The following ZMYND11 variants were observed in gnomAD, a reference collection of about 807,000 sequenced individuals.
ZMYND11 encodes the protein zinc finger MYND domain-containing protein 11.
ZMYND11 carries 9 observed loss-of-function variants against 84.9 expected under a neutral mutation model. The ratio of observed to expected loss-of-function variants is 0.11; its 90% confidence interval spans 0.06 to 0.18. The LOEUF (loss-of-function observed/expected upper bound fraction) is 0.18, where lower values mean the gene tolerates loss of function less well. Ranked by LOEUF, ZMYND11 falls within the 10% of genes least tolerant of loss-of-function variation. ZMYND11 has a pLI of 1.00. For synonymous variants in ZMYND11, 250 were observed against 244.1 expected (o/e 1.02, Z -0.23); for missense variants, 409 against 761.0 (o/e 0.54, Z 5.44).
intron 4 of ZMYND11, among the ~76,000 whole-genome samples, chr10:223,467 A>G (rs1419154635): frequency 6.6e-6 from 1 of 152,114 alleles, no homozygotes; most frequent in East Asian, 1.9e-4. Context: ...GCCTTTGTCA[A>G]TCTAGACATT....
chr10:231,138 TACA>T (rs918428613), intron 4 of ZMYND11, among the ~76,000 whole-genome samples: 1 of 152,254 alleles, frequency 6.6e-6, no homozygotes, highest in African/African-American at 2.4e-5. Flanking sequence ...GCTTTGTCAT[TACA>T]ACAGCAGAAT....
At chr10:140,104 C>T (rs1434343163) in intron 1 of ZMYND11, among the ~76,000 whole-genome samples, 1 of 152,154 alleles carries the variant, frequency 6.6e-6, no homozygotes, top group Admixed American at 6.5e-5. Flanking sequence ...ATCCCAGACA[C>T]ACACACACAC....
chr10:202,549 T>G (rs2131132665), intron 2 of ZMYND11, among the ~76,000 whole-genome samples: 1 of 152,082 alleles, frequency 6.6e-6, no homozygotes, highest in East Asian at 1.9e-4. Context: ...AAAACAAAGT[T>G]ATTGACTCCT....
At chr10:182,276 A>G (rs527358023) in intron 2 of ZMYND11, among the ~76,000 whole-genome samples, 12 of 152,358 alleles carry the variant, frequency 7.9e-5, no homozygotes, top group African/African-American at 2.9e-4. Flanking sequence ...ATGTATACAC[A>G]TGTTAAACTG....
intron 4 of ZMYND11, among the ~76,000 whole-genome samples, chr10:229,147 G>A (rs1314236543): frequency 2.6e-5 from 4 of 152,180 alleles, no homozygotes; most frequent in Non-Finnish European, 4.4e-5. Context: ...CTTTAGAGAA[G>A]AAAGAGTTGG....
intron 13 of ZMYND11, 74 bp downstream of exon 13, chr10:248,682 G>A (rs1440407795): frequency 2.0e-6 from 3 of 1,502,606 alleles, no homozygotes; most frequent in African/African-American, 2.8e-5. Context: ...TTTCACTCAT[G>A]CATCAACCCA....
chr10:211,063 A>G (rs1945130779), intron 3 of ZMYND11, among the ~76,000 whole-genome samples: 1 of 152,052 alleles, frequency 6.6e-6, no homozygotes, highest in African/African-American at 2.4e-5. Flanking sequence ...GTGGTGGCAC[A>G]TGCCTGTAGT....
Position 229,308 on chromosome 10 carries a change from A to G in ZMYND11, c.439-7530A>G, listed in dbSNP as rs1044127717. Among the ~76,000 whole-genome samples the G allele has an allele frequency of 3.3e-5, 5 of 152,160 alleles. No individual in the cohort carries two copies. The East Asian group carries it at 9.6e-4, about 29-fold the overall frequency. ...TGTGACTGGAGTCTCATTTGCCAGG[A>G]TGTTCTAAGAATCCACCTTGAGACG... On this transcript the variant is annotated intron_variant, in intron 4 of 14. Transcript: ENST00000381604.
At chr10:173,280 C>G (rs781838831) in intron 1 of ZMYND11, among the ~76,000 whole-genome samples, 2 of 151,998 alleles carry the variant, frequency 1.3e-5, no homozygotes, top group African/African-American at 2.4e-5. Context: ...TTTGTTCTGT[C>G]AAAGATAATG....
chr10:240,268 G>A (rs1014451111), intron 8 of ZMYND11, among the ~76,000 whole-genome samples, 157 bp downstream of exon 8: 2 of 152,198 alleles, frequency 1.3e-5, no homozygotes, highest in Non-Finnish European at 2.9e-5. Flanking sequence ...CACTTTGGGA[G>A]GCCAAGTTGG....
intron 2 of ZMYND11, among the ~76,000 whole-genome samples, chr10:189,883 G>A (rs571946234): frequency 6.6e-6 from 1 of 152,262 alleles, no homozygotes; most frequent in African/African-American, 2.4e-5. Context: ...GATGCCTTGT[G>A]AAGGGTACAG....
chr10:184,017 A>G (rs1848425716), intron 2 of ZMYND11, among the ~76,000 whole-genome samples: 1 of 152,208 alleles, frequency 6.6e-6, no homozygotes, highest in African/African-American at 2.4e-5. Context: ...AGAGTTATGA[A>G]ATGCATATAC....
intron 10 of ZMYND11, among the ~76,000 whole-genome samples, chr10:243,422 A>G (rs1951452423): frequency 6.6e-6 from 1 of 152,242 alleles, no homozygotes; most frequent in South Asian, 2.1e-4. Flanking sequence ...AGGTAAGAAT[A>G]ATCTGATAAT....
upstream of ZMYND11, among the ~76,000 whole-genome samples, chr10:133,233 G>C (rs1366709380): frequency 6.6e-6 from 1 of 152,178 alleles, no homozygotes; most frequent in Non-Finnish European, 1.5e-5. Context: ...GAAAAGCAAT[G>C]TTACGTTGTT....
chr10:241,928 T>C, intron 9 of ZMYND11, 93 bp from the exon 10 acceptor site: 1 of 1,423,992 alleles, frequency 7.0e-7, no homozygotes. Flanking sequence ...ATTTTAGAAA[T>C]AATGGATTAT....
chr10:135,373 C>CG (rs1233974730), upstream of ZMYND11: 2 of 148,568 alleles, frequency 1.3e-5, no homozygotes, highest in South Asian at 2.0e-4. This position sits in a 1 kb window ranked among gnomAD's most constrained non-coding sequence, Gnocchi z 5.6. Context: ...GGGGTCCGGG[C>CG]GGGGGGGAGC....
chr10:243,322 G>GGAAAGTTTGCTT (rs1357801678), intron 10 of ZMYND11, among the ~76,000 whole-genome samples: 3 of 152,002 alleles, frequency 2.0e-5, no homozygotes, highest in African/African-American at 7.2e-5. Context: ...GAATAACGGG[G>GGAAAGTTTGCTT]GAAAGTTTGC....
At chr10:219,616 A>G (rs1417573938) in intron 3 of ZMYND11, among the ~76,000 whole-genome samples, 1 of 152,192 alleles carries the variant, frequency 6.6e-6, no homozygotes, top group Non-Finnish European at 1.5e-5. Context: ...TGGATACACC[A>G]AGGATGACTG....
At chr10:214,530 A>G (rs1250963236) in intron 3 of ZMYND11, among the ~76,000 whole-genome samples, 1 of 152,154 alleles carries the variant, frequency 6.6e-6, no homozygotes, top group African/African-American at 2.4e-5. Flanking sequence ...TGTCATTACC[A>G]TTTACTCATA....
Sources: allele counts gnomAD v4.1 joint callset (sites outside exome capture counted in the v4.1 genomes callset), GRCh38; gene constraint gnomAD v4.1.1; non-coding constraint Gnocchi (gnomAD v3.1); transcripts MANE v1.5; gene names NCBI Gene and HGNC (gene_info 2026-07-23, HGNC 2026-07-21).